The following GALNTL6 variants were observed in gnomAD, a reference collection of about 807,000 sequenced individuals.
The protein encoded by GALNTL6 is polypeptide N-acetylgalactosaminyltransferase-like 6.
A neutral mutation model predicts 73.7 loss-of-function variants in GALNTL6; 46 were observed. The observed-to-expected ratio is 0.62, with a 90% CI of 0.49 to 0.80. The LOEUF (loss-of-function observed/expected upper bound fraction) is 0.80, where lower values mean the gene tolerates loss of function less well. Among genes scored for constraint, GALNTL6 ranks in the 30% least tolerant of loss-of-function variants. GALNTL6 has a pLI of 0.00. For missense variants in GALNTL6, 604 were observed against 755.0 expected (o/e 0.80, Z 2.34); for synonymous variants, 259 against 263.7 (o/e 0.98, Z 0.17).
intron 5 of GALNTL6, among the ~76,000 whole-genome samples, chr4:172,761,094 T>C (rs564478318): frequency 6.6e-6 from 1 of 152,164 alleles, no homozygotes; most frequent in Admixed American, 6.5e-5. Context: ...CTAGAGAAAC[T>C]AAGAATAGGC....
At chr4:172,297,057 GA>G (rs1739706895) in intron 3 of GALNTL6, among the ~76,000 whole-genome samples, 1 of 152,132 alleles carries the variant, frequency 6.6e-6, no homozygotes, top group African/African-American at 2.4e-5. Context: ...TCGCCATTCT[GA>G]CTGGTGTGAG....
intron 5 of GALNTL6, among the ~76,000 whole-genome samples, chr4:172,416,806 A>G (rs940051975): frequency 1.8e-4 from 28 of 152,192 alleles, no homozygotes; most frequent in Non-Finnish European, 8.8e-5. Context: ...CACTTGAGAC[A>G]CAAAACATTT....
At chr4:172,807,273 T>A (rs1003557870) in intron 5 of GALNTL6, among the ~76,000 whole-genome samples, 1 of 152,170 alleles carries the variant, frequency 6.6e-6, no homozygotes, top group African/African-American at 2.4e-5. Context: ...GCTTATATAC[T>A]CATATTTGTT....
Position 171,983,464 on chromosome 4 carries a change from TTTTATTTA to T in GALNTL6, c.138+168782_138+168789del, listed in dbSNP as rs3081370. Among the ~76,000 whole-genome samples, 927 of 141,096 alleles carry T rather than the reference TTTTATTTA, an allele frequency of 6.6e-3. 14 individuals are homozygous for T. Among genetic ancestry groups the T allele is most frequent in the Admixed American group, 0.038 (539 of 14,070 alleles). The allele number at this position is 141,096 out of a possible 152,430, so 92.6% of individuals were successfully genotyped here. A position where few individuals can be genotyped will look rare whatever the true frequency, so the allele number is the denominator to read the frequency against. On this transcript the variant is annotated intron_variant, in intron 2 of 12. Coordinates refer to ENST00000506823, the MANE Select transcript of GALNTL6 (RefSeq NM_001034845.3). ...AAGGCCAGCTTCAGAGGCATCTTGA[TTTTATTTA>T]TTTATTTATTTATTTATTTATTTAT...
chr4:172,636,284 T>A (rs150498986), intron 5 of GALNTL6, among the ~76,000 whole-genome samples: 82 of 152,302 alleles, frequency 5.4e-4, no homozygotes, highest in African/African-American at 1.9e-3. Context: ...TGCATACCAC[T>A]TTATACTGTA....
At chr4:172,293,733 A>T (rs372404120) in intron 3 of GALNTL6, among the ~76,000 whole-genome samples, 1 of 151,598 alleles carries the variant, frequency 6.6e-6, no homozygotes, top group African/African-American at 2.4e-5. Flanking sequence ...AAAATATATT[A>T]TAAATATATT....
intron 9 of GALNTL6, among the ~76,000 whole-genome samples, 160 bp downstream of exon 9, chr4:172,931,428 T>C (rs1748333042): frequency 6.6e-6 from 1 of 152,248 alleles, no homozygotes; most frequent in African/African-American, 2.4e-5. Context: ...AAGTATTAAC[T>C]ATAATGCTAT....
intron 5 of GALNTL6, among the ~76,000 whole-genome samples, chr4:172,513,011 G>A (rs1164031714): frequency 6.6e-6 from 1 of 152,094 alleles, no homozygotes; most frequent in Admixed American, 6.5e-5. Context: ...AGCAAGGCAA[G>A]GGAAATTTAT....
rs1057374976 is a variant in GALNTL6, at chr4:171,955,378, CTATCTA to C, written c.138+140664_138+140669del. Among the ~76,000 whole-genome samples, 12 of 17,980 alleles carry C rather than the reference CTATCTA, an allele frequency of 6.7e-4. No individual in the cohort carries two copies. In the South Asian group the frequency reaches 0.068, roughly 102 times the overall value. 11.8% of individuals were successfully genotyped at this position (17,980 alleles called of 152,430 possible). The stretch of plus-strand genomic sequence containing the variant: ...ATACGAATGAAATATATCTATCTAT[CTATCTA>C]TATATATATATGTTTACACACACAC... On this transcript the variant is annotated intron_variant, in intron 2 of 12. Transcript: ENST00000506823.
chr4:172,633,700 T>C (rs1390389190), intron 5 of GALNTL6, among the ~76,000 whole-genome samples: 1 of 152,082 alleles, frequency 6.6e-6, no homozygotes. Context: ...GGGCCAGGGG[T>C]GGAATGATAT....
chr4:172,825,344 C>T (rs1166782897), intron 7 of GALNTL6, among the ~76,000 whole-genome samples: 1 of 152,078 alleles, frequency 6.6e-6, no homozygotes, highest in Non-Finnish European at 1.5e-5. Context: ...TTGGCCACTC[C>T]AGGTTGCAAA....
chr4:172,797,293 C>G (rs1377892143), intron 5 of GALNTL6, among the ~76,000 whole-genome samples: 2 of 152,034 alleles, frequency 1.3e-5, no homozygotes, highest in South Asian at 4.2e-4. Context: ...TGCTCTGTCC[C>G]GCAGGTTGGC....
At chr4:172,785,853 G>C (rs1278929920) in intron 5 of GALNTL6, among the ~76,000 whole-genome samples, 1 of 152,114 alleles carries the variant, frequency 6.6e-6, no homozygotes, top group Non-Finnish European at 1.5e-5. Flanking sequence ...TATGTTTTCT[G>C]TATGTGAGTT....
intron 12 of GALNTL6, among the ~76,000 whole-genome samples, chr4:173,027,009 A>G (rs1398205111): frequency 6.6e-6 from 1 of 152,016 alleles, no homozygotes; most frequent in African/African-American, 2.4e-5. Flanking sequence ...ATTTTTTGAG[A>G]CGGACTTTCG....
At chr4:172,396,201 G>A (rs970366385) in intron 5 of GALNTL6, among the ~76,000 whole-genome samples, 3 of 151,808 alleles carry the variant, frequency 2.0e-5, no homozygotes, top group African/African-American at 7.3e-5. Context: ...GCCCTTCCTC[G>A]GGCAGTTTGA....
At chr4:172,592,024 A>G (rs753934689) in intron 5 of GALNTL6, among the ~76,000 whole-genome samples, 1 of 152,160 alleles carries the variant, frequency 6.6e-6, no homozygotes, top group Admixed American at 6.5e-5. Flanking sequence ...GCAGCTGATG[A>G]GCTTGCCTAC....
intron 2 of GALNTL6, among the ~76,000 whole-genome samples, chr4:171,967,573 C>A (rs571206591): frequency 1.6e-3 from 235 of 150,930 alleles, no homozygotes; most frequent in Non-Finnish European, 2.9e-3. Context: ...CATTTCATGT[C>A]TAATTTATAA....
chr4:172,786,900 G>T (rs1396944150), intron 5 of GALNTL6, among the ~76,000 whole-genome samples: 2 of 152,088 alleles, frequency 1.3e-5, no homozygotes, highest in Admixed American at 1.3e-4. Context: ...TCAAGTTTCG[G>T]TAATTTATCA....
At chr4:172,796,798 G>A (rs1281677639) in intron 5 of GALNTL6, among the ~76,000 whole-genome samples, 1 of 145,660 alleles carries the variant, frequency 6.9e-6, no homozygotes, top group African/African-American at 2.6e-5. Context: ...GGGAGTTTCC[G>A]TAGCCTTGGG....
Sources: allele counts gnomAD v4.1 joint callset (sites outside exome capture counted in the v4.1 genomes callset), GRCh38; gene constraint gnomAD v4.1.1; transcripts MANE v1.5; gene names NCBI Gene and HGNC (gene_info 2026-07-23, HGNC 2026-07-21).